Variants in FAM228B observed in about 807,000 individuals in gnomAD.
FAM228B encodes the protein protein FAM228B.
Under a neutral mutation model 42.6 loss-of-function variants are expected in FAM228B, and 38 were observed. The ratio of observed to expected loss-of-function variants is 0.89; its 90% confidence interval spans 0.69 to 1.17. The LOEUF is 1.17. Among genes scored for constraint, FAM228B ranks in the 50% most tolerant of loss-of-function variants. FAM228B has a pLI of 0.00. For missense variants in FAM228B, 344 were observed against 367.3 expected (o/e 0.94, Z 0.52); for synonymous variants, 109 against 122.3 (o/e 0.89, Z 0.72).
At chr2:24,151,037 C>T (rs573974812) in intron 7 of FAM228B, among the ~76,000 whole-genome samples, 1 of 152,262 alleles carries the variant, frequency 6.6e-6, no homozygotes, top group Non-Finnish European at 1.5e-5. Context: ...ATATCTATCT[C>T]CCCTGTAAGG....
At chr2:24,133,434 A>G (rs1477988519) in intron 2 of FAM228B, among the ~76,000 whole-genome samples, 1 of 152,094 alleles carries the variant, frequency 6.6e-6, no homozygotes, top group East Asian at 1.9e-4. Flanking sequence ...GCTTCTTTGG[A>G]TGTTAATGGG....
At chr2:24,121,347 G>A (rs777725565), upstream of FAM228B, 1 of 1,566,136 alleles carries the variant, frequency 6.4e-7, no homozygotes, top group Non-Finnish European at 8.7e-7. Context: ...ACTATGGCTG[G>A]TGGCCAGCCA....
At chr2:24,151,794 T>C (rs1667029783) in intron 7 of FAM228B, among the ~76,000 whole-genome samples, 1 of 152,122 alleles carries the variant, frequency 6.6e-6, no homozygotes, top group Non-Finnish European at 1.5e-5. Context: ...GCGATTCTCC[T>C]GCCTCAGTTC....
In FAM228B at chr2:24,146,638, A is replaced by G. The variant is rs1226894108; in HGVS notation, c.442-110A>G. Reference sequence around the variant, plus strand: ...GCCTGCTATTTGTAAATACCATATTATTTACCCTCCCGGCATAAGAGCCAT... The same window carrying G: ...GCCTGCTATTTGTAAATACCATATTGTTTACCCTCCCGGCATAAGAGCCAT... On this transcript the variant is annotated intron_variant, in intron 5 of 10. Coordinates refer to ENST00000615575, the MANE Select transcript of FAM228B (RefSeq NM_001145710.2). 6 of 644,072 alleles carry G rather than the reference A, an allele frequency of 9.3e-6. No individual in the cohort carries two copies. The East Asian group carries it at 1.4e-4, about 15-fold the overall frequency. 39.9% of individuals were successfully genotyped at this position (644,072 alleles called of 1,614,324 possible). A position where few individuals can be genotyped will look rare whatever the true frequency, so the allele number is the denominator to read the frequency against.
At chr2:24,151,654 A>T in intron 7 of FAM228B, among the ~76,000 whole-genome samples, 1 of 128,758 alleles carries the variant, frequency 7.8e-6, no homozygotes, top group Non-Finnish European at 1.7e-5. Flanking sequence ...CATTAATGTT[A>T]GTGTATTTTA....
chr2:24,144,985 C>G (rs1666859360), intron 5 of FAM228B, among the ~76,000 whole-genome samples: 1 of 152,200 alleles, frequency 6.6e-6, no homozygotes, highest in Non-Finnish European at 1.5e-5. Context: ...TGGAGACTGG[C>G]CCACCCAGCC....
chr2:24,081,498 C>T (rs1286159529), intron 2 of FAM228B, among the ~76,000 whole-genome samples: 1 of 152,210 alleles, frequency 6.6e-6, no homozygotes, highest in Non-Finnish European at 1.5e-5. Flanking sequence ...CACCAGGCTC[C>T]TCTTCCTAAG....
intron 2 of FAM228B, among the ~76,000 whole-genome samples, chr2:24,083,973 T>C (rs1665133647): frequency 6.6e-6 from 1 of 152,204 alleles, no homozygotes; most frequent in Non-Finnish European, 1.5e-5. Context: ...TGAGTGGCTA[T>C]GGATTAGCTC....
chr2:24,082,915 G>A (rs370139617), intron 2 of FAM228B: 2 of 1,612,066 alleles, frequency 1.2e-6, no homozygotes, highest in African/African-American at 2.7e-5. Context: ...AAGGCGGTGA[G>A]CCAGGCCTCT....
In FAM228B at chr2:24,077,684, C is replaced by A; in HGVS notation, c.-290+715C>A. ...CTGGGTAGATTCTGTCCAGAACCGG[C>A]AGCAGACGTTGGGGGCCCTCCGTGG... On this transcript the variant is annotated intron_variant, in intron 1 of 10. Coordinates refer to the FAM228B transcript ENST00000613899. This position sits in a 1 kb window ranked among gnomAD's most constrained non-coding sequence, Gnocchi z 5.5. 2 of 1,614,124 alleles carry A rather than the reference C, an allele frequency of 1.2e-6. No individual in the cohort carries two copies. Among genetic ancestry groups the A allele is most frequent in the Non-Finnish European group, 1.7e-6 (2 of 1,179,990 alleles).
At chr2:24,081,690 GTTT>G (rs36028901) in intron 2 of FAM228B, among the ~76,000 whole-genome samples, 14 of 137,382 alleles carry the variant, frequency 1.0e-4, no homozygotes, top group African/African-American at 3.7e-4. Context: ...CCTTGATACT[GTTT>G]TTTTTTTTTT....
upstream of FAM228B, among the ~76,000 whole-genome samples, chr2:24,120,271 A>C (rs1415168044): frequency 7.5e-6 from 1 of 133,132 alleles, no homozygotes; most frequent in Admixed American, 7.1e-5. Context: ...CTCGTCTCAA[A>C]AAAAAAAACA....
intron 7 of FAM228B, among the ~76,000 whole-genome samples, chr2:24,160,441 C>T (rs555813670): frequency 6.6e-6 from 1 of 152,158 alleles, no homozygotes; most frequent in South Asian, 2.1e-4. Flanking sequence ...TGCTTCTGGG[C>T]TCAGATTAGA....
At chr2:24,092,924 G>GCGCACACA (rs780530789) in intron 2 of FAM228B, among the ~76,000 whole-genome samples, 1 of 133,438 alleles carries the variant, frequency 7.5e-6, no homozygotes, top group Non-Finnish European at 1.6e-5. Flanking sequence ...ATGATTTTAT[G>GCGCACACA]CACACACACA....
At chr2:24,088,895 T>G (rs986896616) in intron 2 of FAM228B, among the ~76,000 whole-genome samples, 2 of 152,266 alleles carry the variant, frequency 1.3e-5, no homozygotes, top group Non-Finnish European at 2.9e-5. Flanking sequence ...AGAATTGAAT[T>G]GTGGAACACC....
At chr2:24,089,277 G>A (rs948950539) in intron 2 of FAM228B, among the ~76,000 whole-genome samples, 20 of 152,288 alleles carry the variant, frequency 1.3e-4, no homozygotes, top group Middle Eastern at 3.4e-3. Context: ...GAAATGTATT[G>A]TGAGTTACAG....
Position 24,146,938 on chromosome 2 carries a change from T to C in FAM228B, c.538T>C (p.Tyr180His). ...TLLQCETGKI[Y>H]SIKEFKEVEK... ...TTTTATTCTTCCTTCAGGCAAAATA[T>C]ATTCAATAAAGGAATTCAAAGAAGT... Residue 180 changes from tyrosine to histidine, a missense_variant, in exon 7 of 11, where the codon TAT becomes CAT. By Grantham distance (83) the Tyr-to-His change is moderately conservative. Transcript: ENST00000615575. 6.4e-7 allele frequency: 1 copy of C among 1,551,100 alleles called. No homozygotes were observed. The highest frequency in any genetic ancestry group is 8.7e-7 in the Non-Finnish European group (1 of 1,146,616).
chr2:24,136,484 A>G (rs1036472543), intron 3 of FAM228B, among the ~76,000 whole-genome samples: 6 of 152,158 alleles, frequency 3.9e-5, no homozygotes, highest in Non-Finnish European at 7.4e-5. Flanking sequence ...TCGGCCTCCC[A>G]AAGTGCTGGG....
chr2:24,091,792 C>T (rs1370526041), intron 2 of FAM228B, among the ~76,000 whole-genome samples: 1 of 151,922 alleles, frequency 6.6e-6, no homozygotes, highest in Admixed American at 6.6e-5. Context: ...GAATACAGTA[C>T]CCAAAATGTC....
Sources: allele counts gnomAD v4.1 joint callset (sites outside exome capture counted in the v4.1 genomes callset), GRCh38; gene constraint gnomAD v4.1.1; non-coding constraint Gnocchi (gnomAD v3.1); transcripts MANE v1.5; gene names NCBI Gene and HGNC (gene_info 2026-07-23, HGNC 2026-07-21).